Variants in GPAA1 observed in about 807,000 individuals in gnomAD.
GPAA1 encodes GPI-anchor transamidase component GPAA1.
In GPAA1, 54 loss-of-function variants were observed where a neutral mutation model predicts 64.0. The observed-to-expected ratio is 0.84, with a 90% confidence interval of 0.68 to 1.06. The LOEUF (loss-of-function observed/expected upper bound fraction) is 1.06. GPAA1 is among the 50% of genes least tolerant of loss of function. The pLI, the probability that GPAA1 is intolerant of heterozygous loss-of-function variation, is 0.00. For missense variants in GPAA1, 780 were observed against 822.3 expected, an observed-to-expected ratio of 0.95 and a Z score of 0.63; for synonymous variants, 393 against 377.3, an observed-to-expected ratio of 1.04 and a Z score of -0.48.
intron 10 of GPAA1, 31 bp downstream of exon 10, chr8:144,085,510 G>T: frequency 6.2e-7 from 1 of 1,604,738 alleles, no homozygotes; most frequent in South Asian, 1.1e-5. Context: ...TTGGGGGCAG[G>T]GGTAGAGGTC....
intron 9 of GPAA1, 31 bp from the exon 10 acceptor site, chr8:144,085,258 G>T (rs1256305912): frequency 5.8e-6 from 9 of 1,563,154 alleles, no homozygotes; most frequent in Admixed American, 1.8e-5. Flanking sequence ...TGGCCCCAGG[G>T]TCCATCTCCA....
In GPAA1 at chr8:144,083,819, C is replaced by T. The variant is rs1554763911; in HGVS notation, c.472C>T (p.Gln158Ter). ...VPCGSDSTNS[Q>*]AVGLLLALAA... ...CTGTGGCTCTGACTCTACCAACAGC[C>T]AGGCTGTGGGGCTGCTGCTGGCACT... Residue 158 changes from glutamine to a stop codon, truncating the protein, a stop_gained, in exon 4 of 12, where the codon CAG becomes TAG. Coordinates refer to ENST00000355091, the MANE Select transcript of GPAA1 (RefSeq NM_003801.4). LOFTEE classifies it high-confidence loss of function. 2 of 1,611,142 alleles carry T rather than the reference C, an allele frequency of 1.2e-6. No homozygotes were observed. Among genetic ancestry groups the T allele is most frequent in the East Asian group, 2.2e-5 (1 of 44,880 alleles).
chr8:144,085,017 C>A, intron 8 of GPAA1, 26 bp from the exon 9 acceptor site: 1 of 1,590,240 alleles, frequency 6.3e-7, no homozygotes, highest in Non-Finnish European at 8.6e-7. Context: ...CGTTACACCT[C>A]TTGTTGGGGT....
Position 144,084,619 on chromosome 8 carries a change from C to T in GPAA1, c.1010+10C>T. 1 of 1,608,402 alleles carries T rather than the reference C, an allele frequency of 6.2e-7. No homozygotes were observed. Among genetic ancestry groups the T allele is most frequent in the African/African-American group, 1.3e-5 (1 of 74,860 alleles). On this transcript the variant is annotated intron_variant, in intron 7 of 11. Coordinates refer to ENST00000355091, the MANE Select transcript of GPAA1 (RefSeq NM_003801.4). ...TGGTGGCAGTGGGCAAGTAAGTAGTCTCTGGTCCCCCCTTTCCATGCCCAG... is the reference window on the plus strand; with the variant it reads ...TGGTGGCAGTGGGCAAGTAAGTAGTTTCTGGTCCCCCCTTTCCATGCCCAG...
Position 144,082,706 on chromosome 8 carries a change from C to A in GPAA1, c.-25C>A, listed in dbSNP as rs1025600016. ...CGGTAGTTGGAGGCGGGAGAGGGTC[C>A]GTAGCCGCGCCGCCCTGCCCCGCCA... is the stretch of plus-strand genomic sequence containing the variant. On this transcript the variant is annotated 5_prime_UTR_variant, in exon 1 of 12. Transcript: ENST00000355091. 22 of 1,439,822 alleles carry A rather than the reference C, an allele frequency of 1.5e-5. No homozygotes were observed. Among genetic ancestry groups the A allele is most frequent in the Non-Finnish European group, 1.7e-5 (19 of 1,100,234 alleles). The allele number at this position is 1,439,822 out of a possible 1,614,324, so 89.2% of individuals were successfully genotyped here. A position where few individuals can be genotyped will look rare whatever the true frequency, so the allele number is the denominator to read the frequency against.
intron 1 of GPAA1, 71 bp from the exon 2 acceptor site, chr8:144,083,053 G>T: frequency 1.4e-6 from 2 of 1,401,598 alleles, no homozygotes; most frequent in Non-Finnish European, 2.0e-6. Flanking sequence ...CCCCGGGTGC[G>T]GAGGTTGTGG....
Position 144,085,396 on chromosome 8 carries a change from C to T in GPAA1, c.1368C>T (p.Phe456=). Residue 456 remains phenylalanine (F), a synonymous_variant, in exon 10 of 12, where the codon TTC becomes TTT. Coordinates refer to ENST00000355091, the MANE Select transcript of GPAA1 (RefSeq NM_003801.4). ...GCCAACACGTTGCCACCCAGCACTT[C>T]CCAGTGGCAGAGGCTGAGGCTGTGG... ...VLGQHVATQH[F]PVAEAEAVVL... The T allele has an allele frequency of 3.1e-6, 5 of 1,607,476 alleles. No homozygotes were observed. Among genetic ancestry groups the T allele is most frequent in the Non-Finnish European group, 4.2e-6 (5 of 1,179,928 alleles).
Position 144,084,532 on chromosome 8 carries a change from C to T in GPAA1, c.933C>T (p.Arg311=). Residue 311 remains arginine (R), a synonymous_variant, in exon 7 of 12, where the codon CGC becomes CGT. Coordinates refer to ENST00000355091, the MANE Select transcript of GPAA1 (RefSeq NM_003801.4). Reference sequence around the variant, plus strand: ...ACGGCTCCCATGGCCTCTTCCTGCGCTACCGTGTGGAGGCCCTAACCCTGC... The same window carrying T: ...ACGGCTCCCATGGCCTCTTCCTGCGTTACCGTGTGGAGGCCCTAACCCTGC... The part of the protein sequence containing the change: ...RPHGSHGLFL[R]YRVEALTLRG... The T allele has an allele frequency of 6.2e-7, 1 of 1,613,874 alleles. No individual in the cohort carries two copies. The highest frequency in any genetic ancestry group is 8.5e-7 in the Non-Finnish European group (1 of 1,179,972).
chr8:144,083,728 C>T lies in GPAA1; in HGVS notation c.381C>T (p.Thr127=), dbSNP rs2129940570. 1.2e-6 allele frequency: 2 copies of T among 1,603,284 alleles called. No homozygotes were observed. The highest frequency in any genetic ancestry group is 1.3e-5 in the African/African-American group (1 of 75,056). Residue 127 remains threonine (T), a synonymous_variant, in exon 4 of 12, where the codon ACC becomes ACT. Coordinates refer to ENST00000355091, the MANE Select transcript of GPAA1 (RefSeq NM_003801.4). ...GCTGCATACAGATGGTGTCGGGCAC[C>T]AACGTGTACGGCATCCTGCGGGCCC... The part of the protein sequence containing the change: ...ETHERYMVSG[T]NVYGILRAPR...
chr8:144,082,659 G>A lies in GPAA1; in HGVS notation c.-72G>A, dbSNP rs1335065077. On this transcript the variant is annotated 5_prime_UTR_variant, in exon 1 of 12. Coordinates refer to ENST00000355091, the MANE Select transcript of GPAA1 (RefSeq NM_003801.4). ...GAGCGCGGGTCCCCGGGTCTGACAG[G>A]AGCAGCCTGTGGGCACCGCGGCGGT... 25 of 1,169,406 alleles carry A rather than the reference G, an allele frequency of 2.1e-5. No homozygotes were observed. The Admixed American group carries it at 8.0e-4, about 37-fold the overall frequency. The allele number at this position is 1,169,406 out of a possible 1,614,324, so 72.4% of individuals were successfully genotyped here.
Position 144,082,699 on chromosome 8 carries a change from G to A in GPAA1, c.-32G>A, listed in dbSNP as rs1477647517. 15 of 1,432,114 alleles carry A rather than the reference G, an allele frequency of 1.0e-5. No individual in the cohort carries two copies. The highest frequency in any genetic ancestry group is 1.2e-5 in the Non-Finnish European group (13 of 1,095,186). 88.7% of individuals were successfully genotyped at this position (1,432,114 alleles called of 1,614,324 possible). On this transcript the variant is annotated 5_prime_UTR_variant, in exon 1 of 12. Coordinates refer to ENST00000355091, the MANE Select transcript of GPAA1 (RefSeq NM_003801.4). Reference sequence around the variant, plus strand: ...ACCGCGGCGGTAGTTGGAGGCGGGAGAGGGTCCGTAGCCGCGCCGCCCTGC... The same window carrying A: ...ACCGCGGCGGTAGTTGGAGGCGGGAAAGGGTCCGTAGCCGCGCCGCCCTGC...
At chr8:144,083,601 C>T in intron 3 of GPAA1, 101 bp downstream of exon 3, 1 of 1,415,814 alleles carries the variant, frequency 7.1e-7, no homozygotes, top group Non-Finnish European at 9.9e-7. Flanking sequence ...CCAGGAAGCT[C>T]AGTGGGAGGG....
intron 7 of GPAA1, 43 bp downstream of exon 7, chr8:144,084,652 T>C: frequency 6.2e-7 from 1 of 1,606,468 alleles, no homozygotes; most frequent in Non-Finnish European, 8.5e-7. Flanking sequence ...CAGGATGGGG[T>C]CTAGCTGGAG....
chr8:144,085,184 A>G, intron 9 of GPAA1, 46 bp downstream of exon 9: 1 of 1,462,662 alleles, frequency 6.8e-7, no homozygotes, highest in Non-Finnish European at 9.4e-7. Flanking sequence ...CTGGGGTCTG[A>G]CTGGTGTTTA....
rs782649794 is a variant in GPAA1 at position 144,084,151 on chromosome 8, C to G, written c.634C>G (p.Leu212Val). 1.9e-6 allele frequency: 3 copies of G among 1,613,626 alleles called. No individual in the cohort carries two copies. Among genetic ancestry groups the G allele is most frequent in the East Asian group, 4.5e-5 (2 of 44,872 alleles). The change falls in exon 6 of 12, where the codon CTG becomes GTG. Residue 212 changes from leucine (L) to valine (V), a missense_variant. Physicochemically the swap from Leu to Val is conservative, Grantham distance 32 (BLOSUM62 1). Transcript: ENST00000355091. ...VNVTGMQSSP[L>V]QGRAGAIQAA... ...TCCTACAGGCATGCAGTCGTCTCCCCTGCAGGGCCGAGCTGGGGCCATTCA... is the reference window on the plus strand; with the variant it reads ...TCCTACAGGCATGCAGTCGTCTCCCGTGCAGGGCCGAGCTGGGGCCATTCA...
Position 144,086,001 on chromosome 8 carries a change from TC to T in GPAA1, c.1744del (p.Leu582TrpfsTer4). 3 of 1,610,436 alleles carry T rather than the reference TC, an allele frequency of 1.9e-6. No homozygotes were observed. The highest frequency in any genetic ancestry group is 1.3e-5 in the African/African-American group (1 of 75,060). On this transcript the variant is annotated frameshift_variant, in exon 12 of 12. Transcript: ENST00000355091. LOFTEE classifies it high-confidence loss of function. ...PLSLAEGWQL[F>X]LAALAQGVLE... The stretch of plus-strand genomic sequence containing the variant: ...TCACTGGCCGAGGGCTGGCAGCTCT[TC>T]CTGGCAGCGCTAGCCCAGGGTGTGC...
In GPAA1 at chr8:144,084,926, A is replaced by G. The variant is rs782235532; in HGVS notation, c.1164+51A>G. 3.8e-6 allele frequency: 6 copies of G among 1,566,350 alleles called. No homozygotes were observed. The Admixed American group carries it at 1.0e-4, about 27-fold the overall frequency. Reference sequence around the variant, plus strand: ...CTGTGACCAGCCTCCAGTCTCCTCAACTCTAGGCTGGGGAGAGTCTTCCAT... The same window carrying G: ...CTGTGACCAGCCTCCAGTCTCCTCAGCTCTAGGCTGGGGAGAGTCTTCCAT... On this transcript the variant is annotated intron_variant, in intron 8 of 11. Transcript: ENST00000355091.
Position 144,084,747 on chromosome 8 carries a change from C to T in GPAA1, c.1036C>T (p.Leu346Phe). Residue 346 changes from leucine (L) to phenylalanine (F), a missense_variant, in exon 8 of 12, where the codon CTC becomes TTC. Transcript: ENST00000355091. ...GKALEGMFRK[L>F]NHLLERLHQS... Reference sequence around the variant, plus strand: ...GGCTTTGGAGGGCATGTTCCGCAAGCTCAACCACCTCCTGGAGCGCCTGCA... The same window carrying T: ...GGCTTTGGAGGGCATGTTCCGCAAGTTCAACCACCTCCTGGAGCGCCTGCA... The T allele has an allele frequency of 1.2e-6, 2 of 1,613,938 alleles. No individual in the cohort carries two copies. Among genetic ancestry groups the T allele is most frequent in the African/African-American group, 1.3e-5 (1 of 75,054 alleles).
intron 1 of GPAA1, 21 bp from the exon 2 acceptor site, chr8:144,083,103 C>T (rs1554763730): frequency 6.2e-7 from 1 of 1,600,848 alleles, no homozygotes; most frequent in South Asian, 1.1e-5. Context: ...CGCTCCGGTG[C>T]CCCTCCGTCC....
Sources: allele counts gnomAD v4.1 joint callset, GRCh38; gene constraint gnomAD v4.1.1; transcripts MANE v1.5; gene names NCBI Gene and HGNC (gene_info 2026-07-23, HGNC 2026-07-21).